Variants in CREM observed in about 807,000 individuals in gnomAD.
The protein encoded by CREM is cAMP-responsive element modulator.
In CREM, 13 loss-of-function variants were observed where a neutral mutation model predicts 37.3. The observed-to-expected ratio is 0.35, with a 90% CI of 0.23 to 0.55. The LOEUF (loss-of-function observed/expected upper bound fraction) is 0.55. CREM is among the 20% of genes least tolerant of loss of function. The pLI is 0.88. For missense variants in CREM, 296 were observed against 362.3 expected, an observed-to-expected ratio of 0.82 and a Z score of 1.49; for synonymous variants, 124 against 120.2, an observed-to-expected ratio of 1.03 and a Z score of -0.21.
chr10:35,187,139 AAT>A (rs1296959359), intron 5 of CREM, among the ~76,000 whole-genome samples: 1 of 73,724 alleles, frequency 1.4e-5, no homozygotes, highest in Non-Finnish European at 2.4e-5. Context: ...TTAATATATT[AAT>A]ATATAATATA....
intron 3 of CREM, chr10:35,175,967 G>GT (rs764427464): frequency 6.4e-7 from 1 of 1,551,204 alleles, no homozygotes; most frequent in South Asian, 1.2e-5. Flanking sequence ...ACAGCCATGG[G>GT]TTATTCAGTC....
intron 5 of CREM, among the ~76,000 whole-genome samples, chr10:35,187,006 A>T (rs190839004): frequency 7.3e-4 from 64 of 87,574 alleles, no homozygotes; most frequent in Non-Finnish European, 9.8e-4. Flanking sequence ...TATTATATAT[A>T]ATATAATATA....
rs1221671997 is a variant in CREM, at chr10:35,188,327, A to G, written c.537A>G (p.Ala179=). 2.5e-6 allele frequency: 4 copies of G among 1,613,920 alleles called. No homozygotes were observed. The highest frequency in any genetic ancestry group is 3.4e-6 in the Non-Finnish European group (4 of 1,179,992). ...CAGGTGCTACAATTGTACAGTACGCAGCACAATCAGCTGATGGCACACAGC... is the reference window on the plus strand; with the variant it reads ...CAGGTGCTACAATTGTACAGTACGCGGCACAATCAGCTGATGGCACACAGC... ...PPPGATIVQY[A]AQSADGTQQF... The change falls in exon 6 of 8, where the codon GCA becomes GCG. Residue 179 remains alanine, a synonymous_variant. Coordinates refer to ENST00000685392, the MANE Select transcript of CREM (RefSeq NM_183011.2).
chr10:35,181,000 C>G (rs2094328839), intron 5 of CREM, among the ~76,000 whole-genome samples: 1 of 152,210 alleles, frequency 6.6e-6, no homozygotes, highest in Non-Finnish European at 1.5e-5. Context: ...TTGGGAACCA[C>G]TAAGATGCTG....
At chr10:35,187,845 A>G (rs2094716693) in intron 5 of CREM, among the ~76,000 whole-genome samples, 1 of 152,158 alleles carries the variant, frequency 6.6e-6, no homozygotes, top group South Asian at 2.1e-4. Context: ...GGTGTTTATA[A>G]GGAAAAACAT....
In CREM at chr10:35,189,676, C is replaced by T. The variant is rs554352623; in HGVS notation, c.598+1288C>T. 5.3e-5 allele frequency among the ~76,000 whole-genome samples: 8 copies of T among 152,046 alleles called. No homozygotes were observed. In the South Asian group the frequency reaches 6.2e-4, roughly 12 times the overall value. On this transcript the variant is annotated intron_variant, in intron 6 of 7. Coordinates refer to ENST00000685392, the MANE Select transcript of CREM (RefSeq NM_183011.2). ...GACTACAGGTGCATAACGCCATGCC[C>T]GGCTAATTTATTGTATTTTAGTAGA...
chr10:35,210,456 T>G (rs1774771387), intron 7 of CREM: 1 of 152,226 alleles, frequency 6.6e-6, no homozygotes, highest in African/African-American at 2.4e-5. Flanking sequence ...CATTTTGGGC[T>G]TATAGTGCTT....
intron 3 of CREM, among the ~76,000 whole-genome samples, chr10:35,172,435 T>C (rs1242248525): frequency 6.6e-6 from 1 of 152,182 alleles, no homozygotes; most frequent in East Asian, 1.9e-4. Flanking sequence ...TTTTTCTTTT[T>C]CTCTGTTTTG....
At chr10:35,178,541 G>T (rs775206526) in intron 3 of CREM, among the ~76,000 whole-genome samples, 4 of 152,164 alleles carry the variant, frequency 2.6e-5, no homozygotes, top group Non-Finnish European at 4.4e-5. Context: ...TCCTGGATTC[G>T]TAGGAGCACT....
intron 3 of CREM, among the ~76,000 whole-genome samples, chr10:35,170,734 G>T (rs1337624141): frequency 1.3e-5 from 2 of 152,068 alleles, no homozygotes; most frequent in African/African-American, 2.4e-5. Flanking sequence ...ATTCTGTGGG[G>T]TCGGTGGTGA....
intron 3 of CREM, chr10:35,158,723 A>G (rs890522388): frequency 1.3e-5 from 2 of 151,942 alleles, no homozygotes; most frequent in African/African-American, 4.8e-5. Flanking sequence ...CTCAAGTTAT[A>G]TTCTTAAGGC....
At chr10:35,196,607 G>A (rs181289012) in intron 6 of CREM, 353 of 153,022 alleles carry the variant, frequency 2.3e-3, no homozygotes, top group Non-Finnish European at 3.7e-3. Context: ...TCGAAGTTTT[G>A]TGAAGTTCTA....
intron 6 of CREM, among the ~76,000 whole-genome samples, chr10:35,202,140 T>G (rs937043542): frequency 1.3e-5 from 2 of 152,182 alleles, no homozygotes; most frequent in Non-Finnish European, 2.9e-5. Flanking sequence ...AACCCATATA[T>G]TTTCAAAATA....
Position 35,212,051 on chromosome 10 carries a change from C to T in CREM, c.*653C>T. ...AATATTTGTAAGGCTTGTTCCAATGCCACATACTTGCAGCTCCCATTCTAT... is the reference window on the plus strand; with the variant it reads ...AATATTTGTAAGGCTTGTTCCAATGTCACATACTTGCAGCTCCCATTCTAT... On this transcript the variant is annotated 3_prime_UTR_variant, in exon 8 of 8. Coordinates refer to ENST00000685392, the MANE Select transcript of CREM (RefSeq NM_183011.2). 5.8e-6 allele frequency: 2 copies of T among 345,790 alleles called. No homozygotes were observed. The highest frequency in any genetic ancestry group is 1.0e-5 in the Non-Finnish European group (2 of 193,422). The allele number at this position is 345,790 out of a possible 1,614,324, so 21.4% of individuals were successfully genotyped here. A position where few individuals can be genotyped will look rare whatever the true frequency, so the allele number is the denominator to read the frequency against.
rs1293391976 is a variant in CREM at position 35,206,966 on chromosome 10, G to A, written c.670G>A (p.Ala224Thr). The change falls in exon 7 of 8, where the codon GCT becomes ACT. Residue 224 changes from alanine (A) to threonine (T), a missense_variant. Transcript: ENST00000685392. Reference protein sequence around the residue: ...TAALPQGVVMAASPGSLHSPQ... With the variant: ...TAALPQGVVMTASPGSLHSPQ... Reference sequence around the variant, plus strand: ...TGCTTTGCCACAGGGAGTGGTGATGGCTGCATCGCCCGGAAGTTTGCACAG... The same window carrying A: ...TGCTTTGCCACAGGGAGTGGTGATGACTGCATCGCCCGGAAGTTTGCACAG... 6.2e-7 allele frequency: 1 copy of A among 1,614,050 alleles called. No homozygotes were observed. Among genetic ancestry groups the A allele is most frequent in the Non-Finnish European group, 8.5e-7 (1 of 1,180,026 alleles).
chr10:35,132,062 A>G (rs981609552), intron 1 of CREM, among the ~76,000 whole-genome samples: 1 of 152,050 alleles, frequency 6.6e-6, no homozygotes, highest in African/African-American at 2.4e-5. Context: ...TTAGCTGGGC[A>G]TGGTGGCTCG....
intron 6 of CREM, chr10:35,195,277 T>G: frequency 6.3e-7 from 1 of 1,589,382 alleles, no homozygotes; most frequent in Non-Finnish European, 8.6e-7. Context: ...TTAGGAAGTA[T>G]TCAGGAACAT....
chr10:35,175,972 T>C (rs1263096860), intron 3 of CREM: 1 of 1,551,294 alleles, frequency 6.4e-7, no homozygotes, highest in Admixed American at 2.0e-5. Context: ...CATGGGTTAT[T>C]CAGTCATCAG....
chr10:35,206,321 C>A (rs2095522589), intron 6 of CREM, among the ~76,000 whole-genome samples: 1 of 151,870 alleles, frequency 6.6e-6, no homozygotes, highest in Non-Finnish European at 1.5e-5. Flanking sequence ...TATACATACA[C>A]ATACACAATT....
Sources: allele counts gnomAD v4.1 joint callset (sites outside exome capture counted in the v4.1 genomes callset), GRCh38; gene constraint gnomAD v4.1.1; transcripts MANE v1.5; gene names NCBI Gene and HGNC (gene_info 2026-07-23, HGNC 2026-07-21).